Variants in FMO4 observed in about 807,000 individuals in gnomAD.
The protein encoded by FMO4 is dimethylaniline monooxygenase [N-oxide-forming] 4.
FMO4 carries 38 observed loss-of-function variants against 43.3 expected under a neutral mutation model. That is an observed-to-expected ratio of 0.88 (90% CI 0.68 to 1.15). The LOEUF is 1.15. Among genes scored for constraint, FMO4 ranks in the 50% most tolerant of loss-of-function variants. The pLI is 0.00. For missense variants in FMO4, 631 were observed against 663.3 expected, an observed-to-expected ratio of 0.95 and a Z score of 0.54; for synonymous variants, 224 against 232.2, an observed-to-expected ratio of 0.96 and a Z score of 0.32.
intron 3 of FMO4, among the ~76,000 whole-genome samples, chr1:171,320,281 C>T (rs979134575): frequency 1.3e-5 from 2 of 152,168 alleles, no homozygotes; most frequent in Non-Finnish European, 2.9e-5. Flanking sequence ...TAACATCAGG[C>T]AAACTGAATA....
At chr1:171,321,016 T>C (rs1458417774) in intron 3 of FMO4, among the ~76,000 whole-genome samples, 1 of 151,366 alleles carries the variant, frequency 6.6e-6, no homozygotes, top group East Asian at 1.9e-4. Flanking sequence ...TAAGCAGGAG[T>C]AACCATAACC....
intron 5 of FMO4, among the ~76,000 whole-genome samples, chr1:171,327,229 T>C (rs1298660456): frequency 1.3e-5 from 2 of 152,212 alleles, no homozygotes; most frequent in Non-Finnish European, 2.9e-5. Context: ...AATCATCCTT[T>C]AACAAATTCT....
At chr1:171,327,598 A>G (rs1432931089) in intron 5 of FMO4, among the ~76,000 whole-genome samples, 1 of 151,988 alleles carries the variant, frequency 6.6e-6, no homozygotes, top group Non-Finnish European at 1.5e-5. Context: ...GGTCCACTCT[A>G]TGGGGGTGCT....
At chr1:171,320,398 G>C (rs1470867260) in intron 3 of FMO4, among the ~76,000 whole-genome samples, 1 of 152,190 alleles carries the variant, frequency 6.6e-6, no homozygotes, top group Non-Finnish European at 1.5e-5. Context: ...GAACAGAACT[G>C]GCAAGAGTGA....
At position 171,324,123 on chromosome 1, in the gene FMO4, G is replaced by T. The variant is rs1321600209; in HGVS notation, c.322-15G>T. Reference sequence around the variant, plus strand: ...GGGTGTTAGTGAGAAGTGAGTGTTTGTCTTTCACTTTTAGACCACTGTGTG... The same window carrying T: ...GGGTGTTAGTGAGAAGTGAGTGTTTTTCTTTCACTTTTAGACCACTGTGTG... On this transcript the variant is annotated splice_polypyrimidine_tract_variant and intron_variant, in intron 4 of 9. Coordinates refer to ENST00000367749, the MANE Select transcript of FMO4 (RefSeq NM_002022.3). The T allele has an allele frequency of 6.2e-7, 1 of 1,600,538 alleles. No individual in the cohort carries two copies. The highest frequency in any genetic ancestry group is 8.5e-7 in the Non-Finnish European group (1 of 1,173,946).
At chr1:171,329,113 C>T (rs1440317557) in intron 5 of FMO4, among the ~76,000 whole-genome samples, 2 of 152,166 alleles carry the variant, frequency 1.3e-5, no homozygotes, top group Non-Finnish European at 2.9e-5. Flanking sequence ...GAACCCTAAA[C>T]CTACCAGCTG....
chr1:171,324,468 G>A (rs1662578058), intron 5 of FMO4, among the ~76,000 whole-genome samples, 168 bp downstream of exon 5: 1 of 152,044 alleles, frequency 6.6e-6, no homozygotes, highest in African/African-American at 2.4e-5. Context: ...GCACTATGTA[G>A]GTGTCAGGTC....
At chr1:171,337,260 G>A (rs1663158165) in intron 8 of FMO4, 96 bp from the exon 9 acceptor site, 3 of 822,396 alleles carry the variant, frequency 3.6e-6, no homozygotes, top group Non-Finnish European at 6.4e-6. Flanking sequence ...GTGCTCTGAA[G>A]TTAGAGCAGT....
chr1:171,337,546 A>G, intron 9 of FMO4, 121 bp downstream of exon 9: 1 of 690,410 alleles, frequency 1.4e-6, no homozygotes, highest in Non-Finnish European at 2.5e-6. Context: ...ACTCTGCATT[A>G]GGAATCAGAA....
At chr1:171,324,059 C>A in intron 4 of FMO4, 79 bp from the exon 5 acceptor site, 1 of 1,327,026 alleles carries the variant, frequency 7.5e-7, no homozygotes, top group Non-Finnish European at 1.0e-6. Flanking sequence ...CTAAAAGTAA[C>A]AGACATGGTT....
At chr1:171,333,177 TTTGTTGTTG>T (rs565862338) in intron 7 of FMO4, 2 of 304,748 alleles carry the variant, frequency 6.6e-6, no homozygotes, top group African/African-American at 2.2e-5. Context: ...ATCACATATT[TTTGTTGTTG>T]TTGTTGTTGT....
rs146210691 is a variant in FMO4 at position 171,331,773 on chromosome 1, G to A, written c.618G>A (p.Thr206=). The part of the protein sequence containing the change: ...GGDIAVELSR[T]AAQVLLSTRT... ...ACATTGCTGTGGAACTCAGTCGAAC[G>A]GCAGCTCAGGTACATCATCTCTGAA... The change falls in exon 6 of 10, where the codon ACG becomes ACA. Residue 206 remains threonine, a synonymous_variant. Coordinates refer to ENST00000367749, the MANE Select transcript of FMO4 (RefSeq NM_002022.3). 2.3e-5 allele frequency: 37 copies of A among 1,613,524 alleles called. No homozygotes were observed. The highest frequency in any genetic ancestry group is 3.0e-5 in the Non-Finnish European group (35 of 1,179,720).
intron 8 of FMO4, among the ~76,000 whole-genome samples, chr1:171,335,470 G>A (rs76046993): frequency 0.022 from 3,320 of 152,160 alleles, 112 homozygotes; most frequent in African/African-American, 0.077. Flanking sequence ...TCTAAAGCAG[G>A]GCAAATTTTA....
At chr1:171,327,818 A>AGGC (rs2101891355) in intron 5 of FMO4, among the ~76,000 whole-genome samples, 1 of 152,280 alleles carries the variant, frequency 6.6e-6, no homozygotes, top group Non-Finnish European at 1.5e-5. Flanking sequence ...CGGGCGGCTG[A>AGGC]GGCGGGAGGA....
chr1:171,328,419 C>T (rs1008031840), intron 5 of FMO4, among the ~76,000 whole-genome samples: 2 of 151,816 alleles, frequency 1.3e-5, no homozygotes, highest in African/African-American at 4.8e-5. Context: ...GGGAGGCTGA[C>T]GCGGGCAGAT....
intron 9 of FMO4, among the ~76,000 whole-genome samples, chr1:171,338,403 T>G (rs1382584174): frequency 6.6e-6 from 1 of 152,040 alleles, no homozygotes; most frequent in African/African-American, 2.4e-5. Context: ...TCCAGTTGCT[T>G]CCTTTTCACT....
chr1:171,319,836 A>T lies in FMO4; in HGVS notation c.11A>T (p.Lys4Ile). 2 of 1,613,800 alleles carry T rather than the reference A, an allele frequency of 1.2e-6. No individual in the cohort carries two copies. The highest frequency in any genetic ancestry group is 1.1e-5 in the South Asian group (1 of 91,062). ...CTAACAGAGCATACCATGGCCAAGA[A>T]AGTTGCAGTGATTGGAGCTGGTGTG... Reference protein sequence around the residue: MAKKVAVIGAGVSG... With the variant: MAKIVAVIGAGVSG... The change falls in exon 3 of 10, where the codon AAA (lysine) becomes ATA (isoleucine). Residue 4 changes from lysine (K) to isoleucine (I), a missense_variant. Coordinates refer to ENST00000367749, the MANE Select transcript of FMO4 (RefSeq NM_002022.3).
chr1:171,336,443 G>A (rs1002243531), intron 8 of FMO4, among the ~76,000 whole-genome samples: 3 of 152,128 alleles, frequency 2.0e-5, no homozygotes, highest in South Asian at 2.1e-4. Flanking sequence ...GAAGAGCAGA[G>A]TCCAAGTGCT....
At chr1:171,339,304 G>GT (rs1663255008) in intron 9 of FMO4, among the ~76,000 whole-genome samples, 1 of 152,086 alleles carries the variant, frequency 6.6e-6, no homozygotes, top group African/African-American at 2.4e-5. Context: ...TTTCTCTCGA[G>GT]TTTTTAAGAA....
Sources: allele counts gnomAD v4.1 joint callset (sites outside exome capture counted in the v4.1 genomes callset), GRCh38; gene constraint gnomAD v4.1.1; transcripts MANE v1.5; gene names NCBI Gene and HGNC (gene_info 2026-07-23, HGNC 2026-07-21).